The following OTUD7A variants were observed in gnomAD, a reference collection of about 807,000 sequenced individuals.
OTUD7A encodes the protein OTU deubiquitinase 7A.
In OTUD7A, 12 loss-of-function variants were observed where a neutral mutation model predicts 65.7. The observed-to-expected ratio is 0.18, with a 90% confidence interval of 0.12 to 0.30. The LOEUF (loss-of-function observed/expected upper bound fraction) is 0.30. Among genes scored for constraint, OTUD7A ranks in the 10% least tolerant of loss-of-function variants. The pLI is 1.00. For missense variants in OTUD7A, 1,148 were observed against 1,304.8 expected (o/e 0.88, Z 1.85); for synonymous variants, 641 against 586.3 (o/e 1.09, Z -1.35).
rs560817771 is a variant in OTUD7A at position 31,841,906 on chromosome 15, T to A, written c.-100+28601A>T. Among the ~76,000 whole-genome samples, 11 of 152,254 alleles carry A rather than the reference T, an allele frequency of 7.2e-5. No individual in the cohort carries two copies. The East Asian group carries it at 2.1e-3, about 29-fold the overall frequency. Reference sequence around the variant, plus strand: ...CCTAGGTCCACCCAACAGAAATGCATCCAGATGTTTGGCAGAATATGCTTT... The same window carrying A: ...CCTAGGTCCACCCAACAGAAATGCAACCAGATGTTTGGCAGAATATGCTTT... On this transcript the variant is annotated intron_variant, in intron 1 of 12. Transcript: ENST00000307050.
chr15:31,786,185 C>G (rs1895670176), intron 1 of OTUD7A, among the ~76,000 whole-genome samples: 2 of 152,194 alleles, frequency 1.3e-5, no homozygotes, highest in South Asian at 4.1e-4. Context: ...CCTTGGACTT[C>G]TCAGCCTCCA....
intron 1 of OTUD7A, among the ~76,000 whole-genome samples, chr15:31,849,634 A>G (rs902864603): frequency 6.6e-6 from 1 of 152,254 alleles, no homozygotes; most frequent in Non-Finnish European, 1.5e-5. Context: ...GAGTGGAAGA[A>G]AATTTTTGCA....
intron 1 of OTUD7A, among the ~76,000 whole-genome samples, chr15:31,841,270 C>A (rs1007660194): frequency 1.3e-5 from 2 of 152,120 alleles, no homozygotes; most frequent in African/African-American, 4.8e-5. Context: ...TACTGTTGGC[C>A]TCAGAGAGAG....
At chr15:31,825,359 G>A (rs1183323880) in intron 1 of OTUD7A, among the ~76,000 whole-genome samples, 1 of 152,184 alleles carries the variant, frequency 6.6e-6, no homozygotes, top group Non-Finnish European at 1.5e-5. Flanking sequence ...GATGGAAGCA[G>A]GCAAGGAAAG....
rs2041096918 is a variant in OTUD7A at position 31,480,227 on chromosome 15, T to C, written c.*3067A>G. The C allele has an allele frequency of 6.6e-6, 1 of 152,196 alleles. No homozygotes were observed. The highest frequency in any genetic ancestry group is 2.4e-5 in the African/African-American group (1 of 41,446). The allele number at this position is 152,196 out of a possible 1,614,324, so 9.4% of individuals were successfully genotyped here. On this transcript the variant is annotated 3_prime_UTR_variant, in exon 13 of 13. Transcript: ENST00000307050. Reference sequence around the variant, plus strand: ...TGTAAAATTTCAACGTAACACAGCATAAAGTCTACCAACAGAATACACTGA... The same window carrying C: ...TGTAAAATTTCAACGTAACACAGCACAAAGTCTACCAACAGAATACACTGA...
At position 31,844,887 on chromosome 15, in the gene OTUD7A, C is replaced by T. The variant is rs117534760; in HGVS notation, c.-100+25620G>A. On this transcript the variant is annotated intron_variant, in intron 1 of 12. Transcript: ENST00000307050. The stretch of plus-strand genomic sequence containing the variant: ...TCACTCAGGGCCCTGCTTACTGCCT[C>T]GGGGACCATTCCCAGGACTTGGTGT... Among the ~76,000 whole-genome samples the T allele has an allele frequency of 2.4e-3, 366 of 152,334 alleles. 3 individuals carry two copies. Among genetic ancestry groups the T allele is most frequent in the East Asian group, 0.02 (102 of 5,184 alleles).
intron 1 of OTUD7A, among the ~76,000 whole-genome samples, chr15:31,681,616 T>G (rs1892720085): frequency 8.0e-6 from 1 of 125,128 alleles, no homozygotes; most frequent in Non-Finnish European, 1.7e-5. Flanking sequence ...CCTTTCTCCC[T>G]CTATACCTTT....
At chr15:31,701,469 A>G (rs1367999460) in intron 1 of OTUD7A, among the ~76,000 whole-genome samples, 1 of 151,974 alleles carries the variant, frequency 6.6e-6, no homozygotes, top group Non-Finnish European at 1.5e-5. Context: ...ATCTGGAATG[A>G]AAAAGGAATA....
intron 6 of OTUD7A, among the ~76,000 whole-genome samples, chr15:31,528,026 C>A (rs1050730129): frequency 6.6e-6 from 1 of 152,240 alleles, no homozygotes; most frequent in African/African-American, 2.4e-5. Flanking sequence ...TCCATCCATC[C>A]GTCCATCCAG....
intron 5 of OTUD7A, among the ~76,000 whole-genome samples, chr15:31,554,468 G>A (rs1002841023): frequency 2.0e-5 from 3 of 152,156 alleles, no homozygotes; most frequent in Non-Finnish European, 4.4e-5. Flanking sequence ...CTGCCAATCC[G>A]GGCCTCAAGC....
At chr15:31,775,930 C>G (rs1257995523) in intron 1 of OTUD7A, among the ~76,000 whole-genome samples, 1 of 152,162 alleles carries the variant, frequency 6.6e-6, no homozygotes, top group Non-Finnish European at 1.5e-5. Context: ...AATTTCAGTC[C>G]AGAAGTCACC....
intron 3 of OTUD7A, among the ~76,000 whole-genome samples, chr15:31,612,174 A>G (rs769403070): frequency 9.9e-5 from 15 of 152,226 alleles, no homozygotes; most frequent in Non-Finnish European, 1.5e-4. Flanking sequence ...ATCTATGACA[A>G]ACCCACAGCC....
intron 1 of OTUD7A, among the ~76,000 whole-genome samples, chr15:31,803,417 A>G (rs1039615627): frequency 6.6e-6 from 1 of 152,220 alleles, no homozygotes; most frequent in Non-Finnish European, 1.5e-5. Flanking sequence ...ATTGTCCCCA[A>G]GACACTGATG....
intron 3 of OTUD7A, among the ~76,000 whole-genome samples, chr15:31,621,512 C>A (rs1041811641): frequency 1.3e-5 from 2 of 152,120 alleles, no homozygotes; most frequent in Non-Finnish European, 2.9e-5. Flanking sequence ...ATCCCTTTAC[C>A]ATTATGTAAT....
chr15:31,536,023 ACT>A (rs569247364), intron 5 of OTUD7A, among the ~76,000 whole-genome samples: 114 of 151,710 alleles, frequency 7.5e-4, no homozygotes, highest in African/African-American at 2.1e-3. Context: ...ATCTTCATTC[ACT>A]CTTTCTCAGG....
chr15:31,685,849 T>C (rs1433026448), intron 1 of OTUD7A, among the ~76,000 whole-genome samples: 3 of 152,220 alleles, frequency 2.0e-5, no homozygotes, highest in South Asian at 2.1e-4. Context: ...AAGTGCTGAA[T>C]AGACACTGGG....
rs755186003 is a variant in OTUD7A at position 31,484,340 on chromosome 15, C to T, written c.1756G>A (p.Ala586Thr). ...GTCTTTTCCGACGGCGACGTGCTGGCCGACGCACCAGACTCCTCCTTGCTG... is the reference window on the plus strand; with the variant it reads ...GTCTTTTCCGACGGCGACGTGCTGGTCGACGCACCAGACTCCTCCTTGCTG... The part of the protein sequence containing the change: ...KGSKEESGAS[A>T]STSPSEKTTP... Residue 586 changes from alanine to threonine, a missense_variant, in exon 13 of 13, where the codon GCC (alanine) becomes ACC (threonine). This residue lies in a region of OTUD7A where 842 missense variants were observed against 769.5 expected (regional missense o/e 1.09). Transcript: ENST00000307050. This position sits in a 1 kb window ranked among gnomAD's most constrained non-coding sequence, Gnocchi z 4.5. The T allele has an allele frequency of 1.6e-5, 25 of 1,600,154 alleles. No individual in the cohort carries two copies. Among genetic ancestry groups the T allele is most frequent in the Admixed American group, 1.3e-4 (8 of 59,826 alleles).
intron 3 of OTUD7A, among the ~76,000 whole-genome samples, chr15:31,592,372 T>A (rs1227178991): frequency 7.0e-6 from 1 of 142,372 alleles, no homozygotes; most frequent in Non-Finnish European, 1.6e-5. Flanking sequence ...TATTCTATAA[T>A]CTTTTTTTAA....
intron 1 of OTUD7A, among the ~76,000 whole-genome samples, chr15:31,659,037 G>T (rs868522917): frequency 3.4e-5 from 4 of 118,568 alleles, no homozygotes; most frequent in African/African-American, 1.5e-4. Flanking sequence ...ATGAATGAAT[G>T]AATGAATAAA....
Sources: gnomAD v4.1 joint callset for allele counts (sites outside exome capture counted in the v4.1 genomes callset) on GRCh38, gnomAD v4.1.1 for gene constraint, gnomAD v4.1.1 regional missense constraint, Gnocchi (gnomAD v3.1) non-coding constraint, MANE v1.5 for transcripts, NCBI Gene and HGNC (gene_info 2026-07-23, HGNC 2026-07-21) for gene names.